PIK3C2G: variants seen among roughly 807,000 people sequenced by gnomAD.
PIK3C2G encodes phosphatidylinositol 3-kinase C2 domain-containing subunit gamma.
A neutral mutation model predicts 181.1 loss-of-function variants in PIK3C2G; 168 were observed. That is an observed-to-expected ratio of 0.93 (90% CI 0.82 to 1.05). The LOEUF (loss-of-function observed/expected upper bound fraction) is 1.05, where lower values mean the gene tolerates loss of function less well. PIK3C2G is among the 50% of genes least tolerant of loss of function. PIK3C2G has a pLI of 0.00. For missense variants in PIK3C2G, 1,869 were observed against 1,732.8 expected (o/e 1.08, Z -1.40); for synonymous variants, 573 against 592.2 (o/e 0.97, Z 0.47).
the PIK3C2G span, among the ~76,000 whole-genome samples, chr12:18,705,953 A>C: frequency 1.4e-5 from 2 of 142,956 alleles, no homozygotes; most frequent in African/African-American, 5.2e-5. Flanking sequence ...CAGGACGAGC[A>C]TGGTGGCTCA....
chr12:18,288,207 C>T (rs1591834088), intron 3 of PIK3C2G, among the ~76,000 whole-genome samples: 1 of 152,018 alleles, frequency 6.6e-6, no homozygotes, highest in Non-Finnish European at 1.5e-5. Context: ...TATTTTAATT[C>T]TTTAGTTTTA....
At chr12:18,539,303 C>A (rs1248964865) in intron 25 of PIK3C2G, among the ~76,000 whole-genome samples, 4 of 151,840 alleles carry the variant, frequency 2.6e-5, no homozygotes, top group Non-Finnish European at 4.4e-5. Context: ...GTAGTGAATT[C>A]TTTGCATGGC....
the PIK3C2G span, among the ~76,000 whole-genome samples, chr12:18,667,915 G>C: frequency 6.6e-6 from 1 of 152,220 alleles, no homozygotes; most frequent in South Asian, 2.1e-4. Flanking sequence ...AACAGAACAA[G>C]GTGGAGAGTG....
chr12:18,283,062 G>A (rs1340022537), intron 2 of PIK3C2G, among the ~76,000 whole-genome samples: 1 of 151,970 alleles, frequency 6.6e-6, no homozygotes, highest in Admixed American at 6.6e-5. Flanking sequence ...CAGAGTTGAA[G>A]GTTTAACTGA....
the PIK3C2G span, among the ~76,000 whole-genome samples, chr12:18,699,564 C>T: frequency 6.6e-6 from 1 of 152,012 alleles, no homozygotes; most frequent in African/African-American, 2.4e-5. Context: ...GTGGCCACAT[C>T]GGACATTCTC....
At chr12:18,585,662 G>A (rs959930999) in intron 29 of PIK3C2G, among the ~76,000 whole-genome samples, 9 of 152,094 alleles carry the variant, frequency 5.9e-5, no homozygotes, top group African/African-American at 2.2e-4. Flanking sequence ...TAACAAAGAT[G>A]TTGAGGACCT....
Position 18,587,924 on chromosome 12 carries a change from C to T in PIK3C2G, c.4012-6570C>T, listed in dbSNP as rs1470199964. Among the ~76,000 whole-genome samples the T allele has an allele frequency of 2.0e-5, 3 of 151,458 alleles. No homozygotes were observed. In the East Asian group the frequency reaches 5.8e-4, roughly 29 times the overall value. On this transcript the variant is annotated intron_variant, in intron 29 of 32. Coordinates refer to ENST00000538779, the MANE Select transcript of PIK3C2G (RefSeq NM_001288772.2). ...AAAAAAGACATATATATCAATAGAA[C>T]AGAATAACGAGCCCAGAAATAAGGC...
At chr12:18,636,814 C>T (rs1949624099) in intron 31 of PIK3C2G, among the ~76,000 whole-genome samples, 1 of 152,174 alleles carries the variant, frequency 6.6e-6, no homozygotes, top group Non-Finnish European at 1.5e-5. Context: ...GAAATCCCCC[C>T]AGTGACATGG....
At chr12:18,543,926 G>T (rs1301139469) in intron 25 of PIK3C2G, among the ~76,000 whole-genome samples, 1 of 151,786 alleles carries the variant, frequency 6.6e-6, no homozygotes, top group East Asian at 1.9e-4. Flanking sequence ...TGTTCTCAAA[G>T]AACTTAAGAT....
At chr12:18,385,650 C>T (rs954098073) in intron 14 of PIK3C2G, among the ~76,000 whole-genome samples, 1 of 152,008 alleles carries the variant, frequency 6.6e-6, no homozygotes, top group South Asian at 2.1e-4. Context: ...CTCACTGCAA[C>T]CTCCTCCTCC....
intron 5 of PIK3C2G, among the ~76,000 whole-genome samples, chr12:18,306,482 G>T (rs369449846): frequency 6.6e-6 from 1 of 152,016 alleles, no homozygotes; most frequent in Non-Finnish European, 1.5e-5. Context: ...GTGAAACAAC[G>T]TATCACTGAC....
intron 18 of PIK3C2G, among the ~76,000 whole-genome samples, chr12:18,483,919 C>T (rs999882314): frequency 6.6e-6 from 1 of 152,132 alleles, no homozygotes; most frequent in Non-Finnish European, 1.5e-5. Flanking sequence ...CATCAATGCT[C>T]AGCTTGGCTC....
chr12:18,389,364 A>AC (rs1033217769), intron 14 of PIK3C2G, among the ~76,000 whole-genome samples: 2 of 151,974 alleles, frequency 1.3e-5, no homozygotes, highest in East Asian at 3.9e-4. Context: ...AAAAAAAAAA[A>AC]AAGAAATTTG....
At chr12:18,622,510 A>G (rs1431337477) in intron 31 of PIK3C2G, among the ~76,000 whole-genome samples, 1 of 151,982 alleles carries the variant, frequency 6.6e-6, no homozygotes, top group African/African-American at 2.4e-5. Context: ...TAGTGCTGCA[A>G]TAAATATGGC....
Position 18,353,103 on chromosome 12 carries a change from T to C in PIK3C2G, c.1625+6267T>C, listed in dbSNP as rs545077908. 1.7e-4 allele frequency among the ~76,000 whole-genome samples: 26 copies of C among 152,326 alleles called. 1 individual carries two copies. Among genetic ancestry groups the C allele is most frequent in the Admixed American group, 5.9e-4 (9 of 15,312 alleles). Reference sequence around the variant, plus strand: ...TTTTCCTGCCTCCTGTCCATATCACTTCCCTGCTCTGAAGAGGCACATCTT... The same window carrying C: ...TTTTCCTGCCTCCTGTCCATATCACCTCCCTGCTCTGAAGAGGCACATCTT... On this transcript the variant is annotated intron_variant, in intron 11 of 32. Coordinates refer to ENST00000538779, the MANE Select transcript of PIK3C2G (RefSeq NM_001288772.2).
the PIK3C2G span, among the ~76,000 whole-genome samples, chr12:18,660,556 T>C: frequency 1.3e-5 from 2 of 152,020 alleles, no homozygotes; most frequent in Non-Finnish European, 2.9e-5. Context: ...AATTAGAAAG[T>C]AACTGTGCAT....
At chr12:18,529,598 CAT>C (rs1190525356) in intron 24 of PIK3C2G, among the ~76,000 whole-genome samples, 1 of 152,102 alleles carries the variant, frequency 6.6e-6, no homozygotes, top group African/African-American at 2.4e-5. Flanking sequence ...GAAAATCAAA[CAT>C]CATTCATTTT....
At chr12:18,559,821 TAGAGAGAGAGAGAGAGAGAG>T (rs1171468138) in intron 26 of PIK3C2G, among the ~76,000 whole-genome samples, 6 of 18,370 alleles carry the variant, frequency 3.3e-4, no homozygotes, top group South Asian at 3.6e-3. Flanking sequence ...TATATATATA[TAGAGAGAGAGAGAGAGAGAG>T]AGAGAGAGAG....
At chr12:18,260,048 A>AT (rs1363743430), upstream of PIK3C2G, among the ~76,000 whole-genome samples, 3 of 152,142 alleles carry the variant, frequency 2.0e-5, no homozygotes, top group Admixed American at 2.0e-4. Flanking sequence ...TACAAGGTAC[A>AT]TTTTTGTACC....
Sources: allele counts gnomAD v4.1 joint callset (sites outside exome capture counted in the v4.1 genomes callset), GRCh38; gene constraint gnomAD v4.1.1; transcripts MANE v1.5; gene names NCBI Gene and HGNC (gene_info 2026-07-23, HGNC 2026-07-21).